Variants in CFAP47 observed in about 807,000 individuals in gnomAD.
CFAP47 encodes the protein cilia and flagella associated protein 47.
Under a neutral mutation model 148.1 loss-of-function variants are expected in CFAP47, and 29 were observed. The observed-to-expected ratio is 0.20, with a 90% confidence interval of 0.15 to 0.27. CFAP47 has a LOEUF of 0.27. CFAP47 is among the 10% of genes least tolerant of loss of function. CFAP47 has a pLI of 1.00. For missense variants in CFAP47, 1,872 were observed against 1,697.5 expected, an observed-to-expected ratio of 1.10 and a Z score of -1.81; for synonymous variants, 664 against 577.3, an observed-to-expected ratio of 1.15 and a Z score of -2.15.
At chrX:36,175,289 C>T (rs765597492) in intron 39 of CFAP47, among the ~76,000 whole-genome samples, 1 of 112,349 alleles carries the variant, frequency 8.9e-6, no homozygotes, top group East Asian at 2.8e-4. Flanking sequence ...CTGAAGCCTT[C>T]TTCTCTCAGC....
intron 48 of CFAP47, among the ~76,000 whole-genome samples, chrX:36,247,607 A>T (rs1192528032): frequency 9.0e-6 from 1 of 111,100 alleles, no homozygotes; most frequent in African/African-American, 3.3e-5. Flanking sequence ...TTACAAAGCA[A>T]ATTGTTTCAA....
Position 36,028,196 on chromosome X carries a change from G to A in CFAP47, c.3557-3057G>A, listed in dbSNP as rs1937242274. ...TCCATTTTTATTTTTGTTGTTTTTG[G>A]TTTTGAGGACTTGGTTATGAATTCT... On this transcript the variant is annotated intron_variant, in intron 22 of 63. Coordinates refer to ENST00000378653, the MANE Select transcript of CFAP47 (RefSeq NM_001304548.2). 1.8e-5 allele frequency among the ~76,000 whole-genome samples: 2 copies of A among 110,894 alleles called. 1 individual carries two copies. Among genetic ancestry groups the A allele is most frequent in the Admixed American group, 1.9e-4 (2 of 10,364 alleles).
intron 62 of CFAP47, among the ~76,000 whole-genome samples, chrX:36,371,683 T>C (rs5006773): frequency 0.014 from 914 of 64,725 alleles, 73 homozygotes; most frequent in African/African-American, 0.071. Context: ...TGTGTATATA[T>C]GTGTGTATAT....
At chrX:36,312,258 A>T in intron 56 of CFAP47, among the ~76,000 whole-genome samples, 1 of 110,670 alleles carries the variant, frequency 9.0e-6, no homozygotes, top group East Asian at 2.9e-4. Context: ...GTGTCAATAA[A>T]TTGGTAGGTA....
chrX:35,928,295 G>A (rs965032928), intron 2 of CFAP47, among the ~76,000 whole-genome samples: 2 of 110,500 alleles, frequency 1.8e-5, no homozygotes, highest in Non-Finnish European at 3.8e-5. Flanking sequence ...CACTTTTACG[G>A]TATCTTTGCC....
intron 46 of CFAP47, among the ~76,000 whole-genome samples, chrX:36,231,798 A>G (rs1389277082): frequency 9.1e-6 from 1 of 110,390 alleles, no homozygotes; most frequent in Non-Finnish European, 1.9e-5. Flanking sequence ...TCAATACCTA[A>G]TTTATTGAGA....
At chrX:36,164,551 A>G (rs778006062) in intron 39 of CFAP47, among the ~76,000 whole-genome samples, 3 of 111,468 alleles carry the variant, frequency 2.7e-5, no homozygotes, top group Middle Eastern at 4.8e-3. Context: ...TTATCTTTCA[A>G]TCTAAAGTAT....
chrX:36,211,151 T>G, intron 45 of CFAP47: 1 of 259,850 alleles, frequency 3.8e-6, no homozygotes, highest in Non-Finnish European at 7.2e-6. Context: ...AGAGGCAAAA[T>G]GTCATCATAT....
At chrX:36,246,241 A>G (rs1198114386) in intron 48 of CFAP47, among the ~76,000 whole-genome samples, 2 of 111,767 alleles carry the variant, frequency 1.8e-5, no homozygotes, top group Non-Finnish European at 3.8e-5. Context: ...CCTGTTAAAA[A>G]TTTGCACAGG....
At chrX:36,097,137 T>C (rs1314370455) in intron 30 of CFAP47, among the ~76,000 whole-genome samples, 1 of 111,738 alleles carries the variant, frequency 8.9e-6, no homozygotes, top group Non-Finnish European at 1.9e-5. Context: ...TAATAAAGAC[T>C]CTACACCTTA....
chrX:35,962,969 GTGTA>G lies in CFAP47; in HGVS notation c.1411-3592_1411-3589del, dbSNP rs1021074124. On this transcript the variant is annotated intron_variant, in intron 8 of 63. Coordinates refer to ENST00000378653, the MANE Select transcript of CFAP47 (RefSeq NM_001304548.2). ...TGTGTGTGTGTGTGTGTGTGTGTGT[GTGTA>G]TGTGTATGAATACTATACAGCCTTA... Among the ~76,000 whole-genome samples the G allele has an allele frequency of 9.9e-4, 102 of 103,549 alleles. 1 individual carries two copies. Among genetic ancestry groups the G allele is most frequent in the Middle Eastern group, 5.0e-3 (1 of 201 alleles). 89.9% of individuals were successfully genotyped at this position (103,549 alleles called of 115,157 possible).
chrX:36,014,699 G>T (rs1300677667), intron 21 of CFAP47, 75 bp from the exon 22 acceptor site: 1 of 280,512 alleles, frequency 3.6e-6, no homozygotes, highest in Non-Finnish European at 6.2e-6. Context: ...AAAAACTGCT[G>T]TTTGGCTAAA....
At chrX:36,132,397 A>T (rs2146825170) in intron 33 of CFAP47, among the ~76,000 whole-genome samples, 1 of 111,890 alleles carries the variant, frequency 8.9e-6, no homozygotes, top group Non-Finnish European at 1.9e-5. Flanking sequence ...TAATGTGAAT[A>T]CTTGGAGATT....
intron 37 of CFAP47, among the ~76,000 whole-genome samples, chrX:36,153,946 T>C: frequency 8.9e-6 from 1 of 111,988 alleles, no homozygotes; most frequent in Non-Finnish European, 1.9e-5. Context: ...ATTCTGGGCC[T>C]ATGATGGGAG....
chrX:35,967,268 G>T (rs1400045253), intron 9 of CFAP47, among the ~76,000 whole-genome samples: 2 of 110,955 alleles, frequency 1.8e-5, no homozygotes, highest in African/African-American at 6.5e-5. Flanking sequence ...TTTACTTGTT[G>T]CTACTGTTTT....
chrX:36,156,773 T>C (rs1939372778), intron 37 of CFAP47, among the ~76,000 whole-genome samples: 1 of 111,401 alleles, frequency 9.0e-6, no homozygotes. Flanking sequence ...TTCTGAAGTT[T>C]CTAACAAATT....
intron 60 of CFAP47, among the ~76,000 whole-genome samples, chrX:36,355,501 A>T (rs921302015): frequency 8.9e-6 from 1 of 112,093 alleles, no homozygotes; most frequent in Non-Finnish European, 1.9e-5. Context: ...ATGGATAAAG[A>T]AAATGTAGCA....
At chrX:36,319,418 AT>A in intron 57 of CFAP47, 111 bp downstream of exon 57, 2 of 292,100 alleles carry the variant, frequency 6.8e-6, no homozygotes, top group Non-Finnish European at 1.1e-5. Flanking sequence ...TAAAAATATA[AT>A]TTTAAAATTT....
chrX:36,105,500 T>G (rs1938450901), intron 33 of CFAP47, among the ~76,000 whole-genome samples: 1 of 112,090 alleles, frequency 8.9e-6, no homozygotes, highest in Non-Finnish European at 1.9e-5. Flanking sequence ...AGTTTAAAAA[T>G]GAGACTTTGA....
Sources: allele counts gnomAD v4.1 joint callset (sites outside exome capture counted in the v4.1 genomes callset), GRCh38; gene constraint gnomAD v4.1.1; transcripts MANE v1.5; gene names NCBI Gene and HGNC (gene_info 2026-07-23, HGNC 2026-07-21).